The following EPHB1 variants were observed in gnomAD, a reference collection of about 807,000 sequenced individuals.
EPHB1 encodes ephrin type-B receptor 1.
EPHB1 carries 30 observed loss-of-function variants against 94.4 expected under a neutral mutation model. That is an observed-to-expected ratio of 0.32 (90% confidence interval 0.24 to 0.43). EPHB1 has a LOEUF of 0.43. EPHB1 is among the 20% of genes least tolerant of loss of function. The pLI, the probability that EPHB1 is intolerant of heterozygous loss-of-function variation, is 1.00. For synonymous variants in EPHB1, 522 were observed against 489.1 expected, an observed-to-expected ratio of 1.07 and a Z score of -0.89; for missense variants, 1,055 against 1,308.3, an observed-to-expected ratio of 0.81 and a Z score of 2.99.
chr3:135,243,087 A>G lies in EPHB1; in HGVS notation c.2496+1790A>G, dbSNP rs564081923. ...GGGACCCTGTCTCAAAAAAAAAAAA[A>G]AAAAAAAGAAAAGAAAAGAAAAGAA... is the stretch of plus-strand genomic sequence containing the variant. On this transcript the variant is annotated intron_variant, in intron 13 of 15. Transcript: ENST00000398015. Among the ~76,000 whole-genome samples, 1,424 of 148,286 alleles carry G rather than the reference A, an allele frequency of 9.6e-3. 13 individuals are homozygous for G. The highest frequency in any genetic ancestry group is 0.066 in the Middle Eastern group (19 of 288).
chr3:134,936,268 T>C (rs1340838504), intron 2 of EPHB1, among the ~76,000 whole-genome samples: 1 of 151,710 alleles, frequency 6.6e-6, no homozygotes, highest in African/African-American at 2.4e-5. Flanking sequence ...GCAAGCTGTA[T>C]GGGGGAGGTA....
intron 12 of EPHB1, among the ~76,000 whole-genome samples, chr3:135,210,938 C>T (rs191015838): frequency 3.4e-4 from 52 of 152,286 alleles, no homozygotes; most frequent in Middle Eastern, 3.4e-3. Context: ...TCTACTGGCC[C>T]TTGGATGAGG....
At chr3:135,233,951 A>T (rs923904093) in intron 12 of EPHB1, among the ~76,000 whole-genome samples, 1 of 152,098 alleles carries the variant, frequency 6.6e-6, no homozygotes, top group African/African-American at 2.4e-5. Flanking sequence ...AGTAGGGGGA[A>T]CCTGGACCTG....
intron 4 of EPHB1, among the ~76,000 whole-genome samples, chr3:135,111,706 G>A (rs1939451135): frequency 1.3e-5 from 2 of 152,008 alleles, no homozygotes; most frequent in Non-Finnish European, 2.9e-5. Flanking sequence ...TTGAGATGGA[G>A]TCTCACTCTG....
intron 12 of EPHB1, among the ~76,000 whole-genome samples, chr3:135,217,452 ACACACACACACACACG>A (rs1467212504): frequency 6.7e-6 from 1 of 149,030 alleles, no homozygotes; most frequent in East Asian, 1.9e-4. Flanking sequence ...ACACACACAC[ACACACACACACACACG>A]CACACGGGGA....
chr3:134,826,251 CAAAA>C (rs34084951), intron 1 of EPHB1, among the ~76,000 whole-genome samples: 6 of 119,010 alleles, frequency 5.0e-5, no homozygotes, highest in Non-Finnish European at 3.4e-5. Context: ...GACTCCATCT[CAAAA>C]AAAAAAAAAA....
At chr3:135,218,875 G>A (rs1943215489) in intron 12 of EPHB1, among the ~76,000 whole-genome samples, 1 of 152,238 alleles carries the variant, frequency 6.6e-6, no homozygotes, top group African/African-American at 2.4e-5. Context: ...CCCTGAAGAA[G>A]GAACACCTGT....
At position 135,096,872 on chromosome 3, in the gene EPHB1, C is replaced by T. The variant is rs181034051; in HGVS notation, c.806-9576C>T. Among the ~76,000 whole-genome samples the T allele has an allele frequency of 5.6e-4, 85 of 151,802 alleles. No individual in the cohort carries two copies. The South Asian group carries it at 8.7e-3, about 16-fold the overall frequency. On this transcript the variant is annotated intron_variant, in intron 3 of 15. Transcript: ENST00000398015. ...CAGCACTTTGGGAGGCCAAGGGGGGCGGATCACGAGGTCGGGAGATCGAGA... is the reference window on the plus strand; with the variant it reads ...CAGCACTTTGGGAGGCCAAGGGGGGTGGATCACGAGGTCGGGAGATCGAGA...
At chr3:135,126,835 C>T (rs1247721899) in intron 4 of EPHB1, among the ~76,000 whole-genome samples, 1 of 152,202 alleles carries the variant, frequency 6.6e-6, no homozygotes, top group South Asian at 2.1e-4. Flanking sequence ...GTTTCCCCAA[C>T]ATAGGTTCCA....
intron 3 of EPHB1, among the ~76,000 whole-genome samples, chr3:135,101,335 C>T (rs146474695): frequency 4.9e-4 from 74 of 152,102 alleles, no homozygotes; most frequent in African/African-American, 1.7e-3. Context: ...ATCTCCTAAC[C>T]ATCACAATAA....
intron 15 of EPHB1, among the ~76,000 whole-genome samples, chr3:135,256,062 A>C (rs1353968696): frequency 5.9e-5 from 9 of 151,380 alleles, no homozygotes; most frequent in African/African-American, 1.9e-4. Flanking sequence ...TTTGTTTTCC[A>C]TTTGCTTGGT....
intron 13 of EPHB1, 112 bp downstream of exon 13, chr3:135,241,409 A>G: frequency 4.4e-6 from 6 of 1,351,362 alleles, no homozygotes; most frequent in Non-Finnish European, 6.2e-6. Context: ...CTGAACCTGC[A>G]GTGTTCAGGG....
intron 3 of EPHB1, among the ~76,000 whole-genome samples, chr3:135,018,683 C>G (rs532302548): frequency 2.1e-4 from 32 of 152,276 alleles, no homozygotes; most frequent in Admixed American, 6.5e-5. Flanking sequence ...CACAATCCAC[C>G]CACCTTTTCC....
At chr3:135,162,333 T>C (rs1045227164) in intron 7 of EPHB1, among the ~76,000 whole-genome samples, 153 bp downstream of exon 7, 3 of 152,244 alleles carry the variant, frequency 2.0e-5, no homozygotes, top group African/African-American at 4.8e-5. Context: ...TAGGGCCATG[T>C]AGATTTTCCT....
Position 135,153,260 on chromosome 3 carries a change from C to T in EPHB1, c.1298-892C>T, listed in dbSNP as rs959151767. 1.3e-5 allele frequency among the ~76,000 whole-genome samples: 2 copies of T among 152,146 alleles called. 1 individual carries two copies. Among genetic ancestry groups the T allele is most frequent in the South Asian group, 4.1e-4 (2 of 4,834 alleles). The stretch of plus-strand genomic sequence containing the variant: ...AAAGACCTTCATCACTGCAGAAGTG[C>T]CAGGACTAAACGGAACAGCCCCTGA... On this transcript the variant is annotated intron_variant, in intron 5 of 15. Transcript: ENST00000398015.
intron 3 of EPHB1, among the ~76,000 whole-genome samples, chr3:134,991,623 G>T (rs1010592544): frequency 1.5e-4 from 23 of 152,144 alleles, no homozygotes; most frequent in Non-Finnish European, 4.4e-5. Flanking sequence ...CTGGCTCCAT[G>T]GACCTCACCC....
intron 3 of EPHB1, among the ~76,000 whole-genome samples, chr3:135,013,793 T>C (rs1318903020): frequency 2.0e-5 from 3 of 152,186 alleles, no homozygotes; most frequent in Non-Finnish European, 4.4e-5. Context: ...TGTTAGCACA[T>C]TGTAAACACT....
chr3:135,241,708 C>T (rs1943788285), intron 13 of EPHB1, among the ~76,000 whole-genome samples: 1 of 152,234 alleles, frequency 6.6e-6, no homozygotes, highest in Non-Finnish European at 1.5e-5. Context: ...CCTGGGTTCC[C>T]ATCCTGCTCT....
intron 3 of EPHB1, among the ~76,000 whole-genome samples, chr3:135,062,261 C>A (rs1240340096): frequency 6.6e-6 from 1 of 152,176 alleles, no homozygotes; most frequent in Non-Finnish European, 1.5e-5. Context: ...TTTAAGGAAT[C>A]TCCACACTAT....
Sources: gnomAD v4.1 joint callset for allele counts (sites outside exome capture counted in the v4.1 genomes callset) on GRCh38, gnomAD v4.1.1 for gene constraint, MANE v1.5 for transcripts, NCBI Gene and HGNC (gene_info 2026-07-23, HGNC 2026-07-21) for gene names.